The following SPATA6 variants were observed in gnomAD, a reference collection of about 807,000 sequenced individuals.
SPATA6 encodes the protein spermatogenesis-associated protein 6.
In SPATA6, 56 loss-of-function variants were observed where a neutral mutation model predicts 65.3. That is an observed-to-expected ratio of 0.86 (90% CI 0.69 to 1.07). SPATA6 has a LOEUF of 1.07. SPATA6 is among the 50% of genes least tolerant of loss of function. SPATA6 has a pLI of 0.00. For synonymous variants in SPATA6, 199 were observed against 213.2 expected (o/e 0.93, Z 0.58); for missense variants, 590 against 594.8 (o/e 0.99, Z 0.08).
At chr1:48,287,976 C>T in the SPATA6 span, among the ~76,000 whole-genome samples, 3 of 152,070 alleles carry the variant, frequency 2.0e-5, no homozygotes, top group Non-Finnish European at 2.9e-5. Flanking sequence ...AAATAAGTTT[C>T]CTGTATATCT....
At chr1:48,451,639 T>C (rs775503091) in intron 2 of SPATA6, 39 bp from the exon 3 acceptor site, 16 of 1,573,064 alleles carry the variant, frequency 1.0e-5, no homozygotes, top group South Asian at 4.8e-5. Flanking sequence ...GGAAGGAAGA[T>C]ATATATTTTT....
chr1:48,341,054 A>C (rs1264593929), intron 11 of SPATA6, among the ~76,000 whole-genome samples: 1 of 152,228 alleles, frequency 6.6e-6, no homozygotes, highest in Non-Finnish European at 1.5e-5. Flanking sequence ...GAACACTAGT[A>C]TTGGGAAAAC....
intron 3 of SPATA6, among the ~76,000 whole-genome samples, chr1:48,416,944 T>A (rs774904846): frequency 3.3e-5 from 5 of 152,306 alleles, no homozygotes; most frequent in Admixed American, 1.3e-4. Context: ...GAAGGGACCT[T>A]TTTTAATGTG....
chr1:48,428,826 T>C (rs889238145), intron 3 of SPATA6, among the ~76,000 whole-genome samples: 11 of 142,474 alleles, frequency 7.7e-5, no homozygotes, highest in Non-Finnish European at 1.6e-4. Flanking sequence ...TATATATATG[T>C]GTGTATATAT....
At chr1:48,324,035 G>C (rs1645682145) in intron 11 of SPATA6, among the ~76,000 whole-genome samples, 1 of 151,868 alleles carries the variant, frequency 6.6e-6, no homozygotes. Flanking sequence ...CTGCAGCCTC[G>C]ACTGCCAGGG....
rs149370849 is a variant in SPATA6 at position 48,336,344 on chromosome 1, G to A, written c.1194+19326C>T. ...TACATGCATGTGTATATTCACTGCA[G>A]CACCATTCACAATAGCAAAGACATG... On this transcript the variant is annotated intron_variant, in intron 11 of 12. Transcript: ENST00000371847. Among the ~76,000 whole-genome samples the A allele has an allele frequency of 1.7e-3, 263 of 152,128 alleles. 1 individual carries two copies. The highest frequency in any genetic ancestry group is 2.6e-3 in the Non-Finnish European group (179 of 67,960).
rs1466067706 is a variant in SPATA6, at chr1:48,464,849, T to A, written c.51+7109A>T. On this transcript the variant is annotated intron_variant, in intron 1 of 12. Transcript: ENST00000371847. ...TTCTAATTATTGGTGATTATACATT[T>A]ACGATTTGTGTACTTTATGAATATA... Among the ~76,000 whole-genome samples the A allele has an allele frequency of 2.0e-5, 3 of 152,174 alleles. 1 individual carries two copies. The highest frequency in any genetic ancestry group is 2.0e-4 in the Admixed American group (3 of 15,262).
At chr1:48,330,873 G>A (rs1237662911) in intron 11 of SPATA6, among the ~76,000 whole-genome samples, 1 of 152,166 alleles carries the variant, frequency 6.6e-6, no homozygotes, top group Non-Finnish European at 1.5e-5. Context: ...CAAGGACACA[G>A]CTAGCTGGCC....
At position 48,366,607 on chromosome 1, in the gene SPATA6, T is replaced by A. The variant is rs991827671; in HGVS notation, c.910-6837A>T. Reference sequence around the variant, plus strand: ...TAGAGGTGTTTGTAGTATTCTCTGATGGTAGTTTGTATTTCTGTGTGATCG... The same window carrying A: ...TAGAGGTGTTTGTAGTATTCTCTGAAGGTAGTTTGTATTTCTGTGTGATCG... On this transcript the variant is annotated intron_variant, in intron 9 of 12. Coordinates refer to ENST00000371847, the MANE Select transcript of SPATA6 (RefSeq NM_019073.4). 1.4e-4 allele frequency among the ~76,000 whole-genome samples: 21 copies of A among 152,204 alleles called. 1 individual carries two copies. The highest frequency in any genetic ancestry group is 5.1e-4 in the African/African-American group (21 of 41,454).
chr1:48,404,400 T>C (rs942212395), intron 5 of SPATA6, among the ~76,000 whole-genome samples: 5 of 152,278 alleles, frequency 3.3e-5, no homozygotes, highest in East Asian at 1.9e-4. Flanking sequence ...TGGAGTATAG[T>C]GGTGCCATCA....
chr1:48,358,162 G>T (rs1273784642), intron 10 of SPATA6, among the ~76,000 whole-genome samples: 1 of 151,974 alleles, frequency 6.6e-6, no homozygotes, highest in Admixed American at 6.6e-5. Context: ...AAGAATTTTT[G>T]AATATAGCCT....
the SPATA6 span, among the ~76,000 whole-genome samples, chr1:48,283,188 T>TGGGGGGA: frequency 1.2e-5 from 1 of 84,460 alleles, no homozygotes; most frequent in African/African-American, 5.7e-5. Context: ...TGTTGTGGGG[T>TGGGGGGA]GGGGGGAGGG....
intron 11 of SPATA6, among the ~76,000 whole-genome samples, chr1:48,352,962 T>C (rs990458630): frequency 6.7e-6 from 1 of 149,688 alleles, no homozygotes; most frequent in Non-Finnish European, 1.5e-5. Flanking sequence ...AAAACTATTG[T>C]TCATAAATAC....
At chr1:48,466,991 G>C (rs925070560) in intron 1 of SPATA6, among the ~76,000 whole-genome samples, 2 of 152,034 alleles carry the variant, frequency 1.3e-5, no homozygotes, top group Non-Finnish European at 2.9e-5. Context: ...AGAAGGTAAA[G>C]AGATAAAGCA....
chr1:48,285,707 T>C, the SPATA6 span, among the ~76,000 whole-genome samples: 31 of 152,198 alleles, frequency 2.0e-4, no homozygotes, highest in South Asian at 4.8e-3. Context: ...TCCTGACCAC[T>C]TGCACTTCCT....
At chr1:48,369,496 C>G (rs554952014) in intron 9 of SPATA6, among the ~76,000 whole-genome samples, 15 of 152,342 alleles carry the variant, frequency 9.8e-5, no homozygotes, top group Admixed American at 8.5e-4. Context: ...GCCCCTCCCC[C>G]AGCCTGGCTG....
chr1:48,355,446 T>G, intron 11 of SPATA6: 1 of 379,872 alleles, frequency 2.6e-6, no homozygotes, highest in Non-Finnish European at 4.8e-6. Context: ...TCACTAACAT[T>G]GTTTATAGTT....
At chr1:48,429,654 C>A (rs1245462413) in intron 3 of SPATA6, among the ~76,000 whole-genome samples, 1 of 151,938 alleles carries the variant, frequency 6.6e-6, no homozygotes, top group Non-Finnish European at 1.5e-5. Flanking sequence ...GCAGAAACTA[C>A]CTGTGGAAAA....
intron 9 of SPATA6, among the ~76,000 whole-genome samples, chr1:48,379,028 T>C (rs1480425573): frequency 1.3e-5 from 2 of 152,164 alleles, no homozygotes; most frequent in Non-Finnish European, 2.9e-5. Flanking sequence ...TATGCTTACA[T>C]GTTACATTAG....
Sources: gnomAD v4.1 joint callset for allele counts (sites outside exome capture counted in the v4.1 genomes callset) on GRCh38, gnomAD v4.1.1 for gene constraint, MANE v1.5 for transcripts, NCBI Gene and HGNC (gene_info 2026-07-23, HGNC 2026-07-21) for gene names.